ANKRD17: variants seen among roughly 807,000 people sequenced by gnomAD.
ANKRD17 encodes ankyrin repeat domain-containing protein 17.
In ANKRD17, 19 loss-of-function variants were observed where a neutral mutation model predicts 229.7. The observed-to-expected ratio is 0.08, with a 90% CI of 0.06 to 0.12. ANKRD17 has a LOEUF of 0.12. ANKRD17 is among the 10% of genes least tolerant of loss of function. The pLI is 1.00. For synonymous variants in ANKRD17, 1,112 were observed against 1,146.1 expected (o/e 0.97, Z 0.60); for missense variants, 2,176 against 3,176.8 (o/e 0.68, Z 7.57).
intron 24 of ANKRD17, chr4:73,103,892 C>T (rs1369778421): frequency 1.3e-5 from 2 of 148,954 alleles, no homozygotes; most frequent in Non-Finnish European, 3.0e-5. Context: ...GTGACACTAA[C>T]GTTAATAAGT....
intron 1 of ANKRD17, among the ~76,000 whole-genome samples, chr4:73,194,200 G>T (rs1737529926): frequency 6.6e-6 from 1 of 152,168 alleles, no homozygotes; most frequent in Non-Finnish European, 1.5e-5. Flanking sequence ...CAAAGTCACA[G>T]ATTTTCTATG....
chr4:73,081,608 G>C (rs996019367), intron 30 of ANKRD17, among the ~76,000 whole-genome samples: 1 of 152,150 alleles, frequency 6.6e-6, no homozygotes, highest in Non-Finnish European at 1.5e-5. Flanking sequence ...TAGAGAAACA[G>C]GTTTCAGAGG....
At chr4:73,222,182 TA>T (rs1156288955) in intron 1 of ANKRD17, among the ~76,000 whole-genome samples, 10 of 152,010 alleles carry the variant, frequency 6.6e-5, no homozygotes, top group African/African-American at 1.9e-4. Flanking sequence ...CAGATAAGAA[TA>T]TGAGATTTAA....
intron 1 of ANKRD17, among the ~76,000 whole-genome samples, chr4:73,243,511 A>G (rs1056250136): frequency 1.3e-5 from 2 of 152,186 alleles, no homozygotes; most frequent in African/African-American, 4.8e-5. Flanking sequence ...AGTCCTAAAC[A>G]AAGCATCTTT....
chr4:73,155,482 A>T, intron 5 of ANKRD17, 149 bp downstream of exon 5: 1 of 817,204 alleles, frequency 1.2e-6, no homozygotes, highest in Non-Finnish European at 1.9e-6. Context: ...TATTCTATAT[A>T]CTTCAAAACT....
At chr4:73,105,262 T>A (rs1238156956) in intron 24 of ANKRD17, among the ~76,000 whole-genome samples, 1 of 152,040 alleles carries the variant, frequency 6.6e-6, no homozygotes, top group African/African-American at 2.4e-5. Flanking sequence ...TTGCAGGCGG[T>A]AGCTGAAACT....
chr4:73,091,985 A>G lies in ANKRD17; in HGVS notation c.5643T>C (p.Leu1881=). The part of the protein sequence containing the change: ...NNVRPGFPVS[L]PLAYPPPQFA... Reference sequence around the variant, plus strand: ...ACTGTGGAGGAGGATATGCTAATGGAAGAGAAACTGGAAAACCAGGCCTCA... The same window carrying G: ...ACTGTGGAGGAGGATATGCTAATGGGAGAGAAACTGGAAAACCAGGCCTCA... Residue 1881 remains leucine, a synonymous_variant, in exon 29 of 34, where the codon CTT becomes CTC. Coordinates refer to ENST00000358602, the MANE Select transcript of ANKRD17 (RefSeq NM_032217.5). 3.7e-6 allele frequency: 6 copies of G among 1,614,212 alleles called. No individual in the cohort carries two copies. The South Asian group carries it at 6.6e-5, about 18-fold the overall frequency.
intron 1 of ANKRD17, among the ~76,000 whole-genome samples, chr4:73,197,419 G>T (rs568606402): frequency 6.6e-6 from 1 of 152,118 alleles, no homozygotes; most frequent in Non-Finnish European, 1.5e-5. Flanking sequence ...CAATACTTAC[G>T]CAACTCTGTA....
chr4:73,079,239 A>G (rs976483780), intron 30 of ANKRD17, among the ~76,000 whole-genome samples: 3 of 152,220 alleles, frequency 2.0e-5, no homozygotes, highest in African/African-American at 7.2e-5. Context: ...GGTAAGAATC[A>G]CTGCCTGTAG....
intron 2 of ANKRD17, among the ~76,000 whole-genome samples, chr4:73,169,742 G>A (rs1327817979): frequency 1.3e-5 from 2 of 152,202 alleles, no homozygotes; most frequent in Non-Finnish European, 2.9e-5. Flanking sequence ...CCCACATGGT[G>A]CAAAGAACTG....
At chr4:73,102,126 A>AC (rs1371931408) in intron 25 of ANKRD17, among the ~76,000 whole-genome samples, 44 of 152,066 alleles carry the variant, frequency 2.9e-4, no homozygotes, top group Non-Finnish European at 1.6e-4. Context: ...AATTAAAAAA[A>AC]ATTTTTTTCC....
intron 2 of ANKRD17, among the ~76,000 whole-genome samples, chr4:73,163,587 T>C (rs1323759775): frequency 6.6e-6 from 1 of 152,186 alleles, no homozygotes; most frequent in African/African-American, 2.4e-5. Context: ...GTGAAAGGTG[T>C]TCAATAATAT....
intron 1 of ANKRD17, among the ~76,000 whole-genome samples, chr4:73,191,216 G>A (rs1334813214): frequency 6.6e-6 from 1 of 152,002 alleles, no homozygotes; most frequent in Non-Finnish European, 1.5e-5. Context: ...ATATATATAT[G>A]GGACTTATAA....
At position 73,074,810 on chromosome 4, in the gene ANKRD17, ACTTT is replaced by A. The variant is rs1457014178; in HGVS notation, c.*1417_*1420del. On this transcript the variant is annotated 3_prime_UTR_variant, in exon 34 of 34. Transcript: ENST00000358602. ...TATACATTACTCGATTTTTATGCTT[ACTTT>A]CTTTTACATTTCAACCATATAATTA... 3.3e-5 allele frequency: 5 copies of A among 152,454 alleles called. No individual in the cohort carries two copies. The highest frequency in any genetic ancestry group is 5.9e-5 in the Non-Finnish European group (4 of 67,874). The allele number at this position is 152,454 out of a possible 1,614,324, so 9.4% of individuals were successfully genotyped here.
intron 18 of ANKRD17, among the ~76,000 whole-genome samples, chr4:73,122,090 T>C (rs1039397405): frequency 1.3e-5 from 2 of 152,178 alleles, no homozygotes; most frequent in Non-Finnish European, 2.9e-5. Flanking sequence ...TGGGACAAGA[T>C]TTTTTCGTAT....
chr4:73,182,202 G>C (rs1174302674), intron 1 of ANKRD17, among the ~76,000 whole-genome samples: 2 of 151,836 alleles, frequency 1.3e-5, no homozygotes, highest in Admixed American at 6.6e-5. Context: ...ATTCTCTAAG[G>C]GGGGAAAAAA....
intron 21 of ANKRD17, among the ~76,000 whole-genome samples, chr4:73,119,075 T>TG (rs1179714235): frequency 6.6e-6 from 1 of 151,728 alleles, no homozygotes; most frequent in African/African-American, 2.4e-5. Context: ...CTTGTGGAGA[T>TG]GGAGTCTTCC....
chr4:73,106,248 A>AAAAT (rs111766766), intron 24 of ANKRD17, among the ~76,000 whole-genome samples: 46 of 152,238 alleles, frequency 3.0e-4, no homozygotes, highest in African/African-American at 1.0e-3. Flanking sequence ...CGTCTCAAAA[A>AAAAT]AAATAAATAA....
rs148644292 is a variant in ANKRD17 at position 73,142,919 on chromosome 4, T to A, written c.1958-152A>T. On this transcript the variant is annotated intron_variant, in intron 11 of 33. Transcript: ENST00000358602. ...TTAATGATTATAAACACAAGGCCAATCTCATTTCACAAATATCCTACATTA... is the reference window on the plus strand; with the variant it reads ...TTAATGATTATAAACACAAGGCCAAACTCATTTCACAAATATCCTACATTA... The A allele has an allele frequency of 3.7e-4, 293 of 800,306 alleles. 1 individual carries two copies. The East Asian group carries it at 8.3e-3, about 23-fold the overall frequency. The allele number at this position is 800,306 out of a possible 1,614,324, so 49.6% of individuals were successfully genotyped here.
Sources: allele counts gnomAD v4.1 joint callset (sites outside exome capture counted in the v4.1 genomes callset), GRCh38; gene constraint gnomAD v4.1.1; transcripts MANE v1.5; gene names NCBI Gene and HGNC (gene_info 2026-07-23, HGNC 2026-07-21).